ROR2: variants seen among roughly 807,000 people sequenced by gnomAD.
The protein encoded by ROR2 is ROR family WNT receptor 2, also known as tyrosine-protein kinase transmembrane receptor ROR2.
ROR2 carries 33 observed loss-of-function variants against 74.9 expected under a neutral mutation model. That is an observed-to-expected ratio of 0.44 (90% CI 0.33 to 0.59). The LOEUF (loss-of-function observed/expected upper bound fraction) is 0.59. Among genes scored for constraint, ROR2 ranks in the 20% least tolerant of loss-of-function variants. The pLI, the probability that ROR2 is intolerant of heterozygous loss-of-function variation, is 0.02. For synonymous variants in ROR2, 586 were observed against 558.7 expected (o/e 1.05, Z -0.69); for missense variants, 1,216 against 1,313.8 (o/e 0.93, Z 1.15).
At chr9:91,911,729 C>G (rs373851531) in intron 1 of ROR2, among the ~76,000 whole-genome samples, 2 of 152,034 alleles carry the variant, frequency 1.3e-5, no homozygotes, top group East Asian at 3.9e-4. Flanking sequence ...TACTCACACT[C>G]AAAGTATCTT....
intron 1 of ROR2, among the ~76,000 whole-genome samples, chr9:91,943,043 TA>T (rs1831919315): frequency 1.3e-5 from 2 of 152,232 alleles, no homozygotes; most frequent in Non-Finnish European, 2.9e-5. Flanking sequence ...GTTCCTTGTA[TA>T]ATCCATGCTT....
At chr9:91,764,148 T>G (rs1478544933) in intron 2 of ROR2, among the ~76,000 whole-genome samples, 1 of 152,234 alleles carries the variant, frequency 6.6e-6, no homozygotes, top group Admixed American at 6.5e-5. Context: ...TCAGTTTTAT[T>G]ACATCATTTG....
At chr9:91,804,874 CCTCT>C (rs956672853) in intron 1 of ROR2, among the ~76,000 whole-genome samples, 1 of 152,122 alleles carries the variant, frequency 6.6e-6, no homozygotes, top group Non-Finnish European at 1.5e-5. Flanking sequence ...ACTATCTAGC[CCTCT>C]CTATGACTGC....
At chr9:91,772,880 A>T (rs914612335) in intron 2 of ROR2, among the ~76,000 whole-genome samples, 10 of 152,292 alleles carry the variant, frequency 6.6e-5, no homozygotes, top group African/African-American at 2.2e-4. Flanking sequence ...CACTCCCAGA[A>T]ATGGAACTGA....
chr9:91,878,917 C>T (rs536835236), intron 1 of ROR2, among the ~76,000 whole-genome samples: 4 of 152,234 alleles, frequency 2.6e-5, no homozygotes, highest in African/African-American at 9.6e-5. Context: ...TGGCAGGCGC[C>T]TGTAGTCCCG....
intron 1 of ROR2, among the ~76,000 whole-genome samples, chr9:91,875,080 T>G (rs1454772781): frequency 1.3e-5 from 2 of 152,200 alleles, no homozygotes; most frequent in Non-Finnish European, 2.9e-5. Flanking sequence ...GGGTGGATCA[T>G]TTTATTACAT....
chr9:91,730,363 A>G (rs1398871449), intron 7 of ROR2, among the ~76,000 whole-genome samples: 2 of 152,206 alleles, frequency 1.3e-5, no homozygotes, highest in Admixed American at 6.5e-5. Context: ...GGGTGGTAAC[A>G]TTAGGGGTGA....
chr9:91,897,568 G>C (rs903667238), intron 1 of ROR2, among the ~76,000 whole-genome samples: 21 of 151,548 alleles, frequency 1.4e-4, no homozygotes, highest in Admixed American at 3.3e-4. Flanking sequence ...GGAAGTGGGT[G>C]GGGGGGTATT....
chr9:91,854,077 T>C (rs1377573607), intron 1 of ROR2, among the ~76,000 whole-genome samples: 1 of 152,148 alleles, frequency 6.6e-6, no homozygotes, highest in Non-Finnish European at 1.5e-5. Context: ...GTTCCTGCTA[T>C]GGGCAACACC....
intron 1 of ROR2, among the ~76,000 whole-genome samples, chr9:91,786,591 G>A (rs1468334361): frequency 1.3e-5 from 2 of 152,170 alleles, no homozygotes; most frequent in African/African-American, 4.8e-5. Flanking sequence ...AAGTAGCCAA[G>A]GCCACCAACC....
intron 1 of ROR2, among the ~76,000 whole-genome samples, chr9:91,788,412 T>C (rs1368677052): frequency 1.3e-5 from 2 of 152,132 alleles, no homozygotes; most frequent in Non-Finnish European, 2.9e-5. Flanking sequence ...AGGCACATCA[T>C]AGACTGTTGA....
intron 2 of ROR2, among the ~76,000 whole-genome samples, chr9:91,764,933 T>C (rs1007074123): frequency 1.3e-5 from 2 of 152,226 alleles, no homozygotes; most frequent in Non-Finnish European, 1.5e-5. Context: ...CCTTTGCAAG[T>C]ATTCTGAACT....
intron 1 of ROR2, among the ~76,000 whole-genome samples, chr9:91,829,812 TATAA>T (rs1455508770): frequency 1.3e-5 from 2 of 152,332 alleles, no homozygotes; most frequent in East Asian, 1.9e-4. Context: ...AGTTAGGTAC[TATAA>T]ATAATGATCC....
chr9:91,858,203 C>T (rs1438625692), intron 1 of ROR2, among the ~76,000 whole-genome samples: 1 of 152,014 alleles, frequency 6.6e-6, no homozygotes, highest in Non-Finnish European at 1.5e-5. Context: ...GTGCCCCACA[C>T]CGAGGGCTAA....
intron 4 of ROR2, among the ~76,000 whole-genome samples, chr9:91,742,662 C>T (rs1054786245): frequency 6.6e-6 from 1 of 152,176 alleles, no homozygotes; most frequent in Non-Finnish European, 1.5e-5. Context: ...CTAGTGACAT[C>T]GGAGCTGTCA....
intron 4 of ROR2, among the ~76,000 whole-genome samples, chr9:91,751,146 A>C (rs1218221294): frequency 6.6e-6 from 1 of 152,098 alleles, no homozygotes; most frequent in Non-Finnish European, 1.5e-5. Flanking sequence ...GGACAAAGAG[A>C]CTTGGGATGC....
chr9:91,887,788 C>CTTTTTTTTT (rs771557997), intron 1 of ROR2, among the ~76,000 whole-genome samples: 16 of 100,668 alleles, frequency 1.6e-4, no homozygotes, highest in African/African-American at 4.1e-4. Flanking sequence ...CTTTTTTTCT[C>CTTTTTTTTT]TTTTTTTTTT....
intron 1 of ROR2, among the ~76,000 whole-genome samples, chr9:91,947,783 T>C (rs951934186): frequency 1.3e-5 from 2 of 152,334 alleles, no homozygotes; most frequent in East Asian, 3.9e-4. Flanking sequence ...TAGTTTTACA[T>C]AATAAATTAT....
At chr9:91,861,586 C>T (rs1333614341) in intron 1 of ROR2, among the ~76,000 whole-genome samples, 3 of 152,204 alleles carry the variant, frequency 2.0e-5, no homozygotes, top group African/African-American at 7.2e-5. Flanking sequence ...CCCTTCCTCA[C>T]TAAGTACACA....
Sources: allele counts gnomAD v4.1 joint callset (sites outside exome capture counted in the v4.1 genomes callset), GRCh38; gene constraint gnomAD v4.1.1; transcripts MANE v1.5; gene names NCBI Gene and HGNC (gene_info 2026-07-23, HGNC 2026-07-21).